EPB41L3: variants seen among roughly 807,000 people sequenced by gnomAD.
The protein encoded by EPB41L3 is erythrocyte membrane protein band 4.1 like 3.
In EPB41L3, 57 loss-of-function variants were observed where a neutral mutation model predicts 127.1. The ratio of observed to expected loss-of-function variants is 0.45; its 90% CI spans 0.36 to 0.56. The LOEUF is 0.56. EPB41L3 is among the 20% of genes least tolerant of loss of function. The probability of loss-of-function intolerance (pLI) is 0.00; values close to 1 mark genes in which losing one functional copy is unlikely to be tolerated. For missense variants in EPB41L3, 1,273 were observed against 1,372.2 expected (o/e 0.93, Z 1.14); for synonymous variants, 572 against 549.5 (o/e 1.04, Z -0.57).
At chr18:5,405,517 T>G (rs2143766482) in intron 16 of EPB41L3, among the ~76,000 whole-genome samples, 1 of 152,004 alleles carries the variant, frequency 6.6e-6, no homozygotes, top group Middle Eastern at 3.4e-3. Context: ...ATCCTCAGAG[T>G]CTTTGGTTGT....
In EPB41L3 at chr18:5,410,725, T is replaced by G; in HGVS notation, c.2068-106A>C. 3 of 817,678 alleles carry G rather than the reference T, an allele frequency of 3.7e-6. No homozygotes were observed. In the South Asian group the frequency reaches 4.9e-5, roughly 13 times the overall value. The allele number at this position is 817,678 out of a possible 1,614,324, so 50.7% of individuals were successfully genotyped here. A position where few individuals can be genotyped will look rare whatever the true frequency, so the allele number is the denominator to read the frequency against. The stretch of plus-strand genomic sequence containing the variant: ...CAGGTCAGACAGGTCATTTTCTTTC[T>G]CTGTGATTTCTCTGTGTCACACTAC... On this transcript the variant is annotated intron_variant, in intron 13 of 22. Coordinates refer to ENST00000341928, the MANE Select transcript of EPB41L3 (RefSeq NM_012307.5).
At position 5,478,270 on chromosome 18, in the gene EPB41L3, C is replaced by A. The variant is rs1469911854; in HGVS notation, c.352G>T (p.Asp118Tyr). The part of the protein sequence containing the change: ...KSMQCKVILL[D>Y]GSEYTCDVEK... ...ACATCACAGGTATATTCTGATCCAT[C>A]GAGAAGTATCACTTTGCACTGCATG... The change falls in exon 3 of 23, where the codon GAT becomes TAT. Residue 118 changes from aspartate to tyrosine, a missense_variant. Physicochemically the swap from Asp to Tyr is radical, Grantham distance 160 (BLOSUM62 -3). Transcript: ENST00000341928. 6.2e-7 allele frequency: 1 copy of A among 1,613,996 alleles called. No homozygotes were observed. The highest frequency in any genetic ancestry group is 2.2e-5 in the East Asian group (1 of 44,892).
intron 8 of EPB41L3, among the ~76,000 whole-genome samples, chr18:5,428,725 G>A (rs1418170634): frequency 1.3e-5 from 2 of 152,112 alleles, no homozygotes; most frequent in Non-Finnish European, 2.9e-5. Context: ...CACCAAGAGG[G>A]CCCAGCTCAT....
At chr18:5,560,408 T>C (rs1370454311) in intron 3 of EPB41L3, among the ~76,000 whole-genome samples, 1 of 152,186 alleles carries the variant, frequency 6.6e-6, no homozygotes, top group African/African-American at 2.4e-5. Context: ...CAGAGATACA[T>C]AAAGTCTAAA....
chr18:5,436,478 G>A (rs916429533), intron 6 of EPB41L3, among the ~76,000 whole-genome samples: 2 of 139,170 alleles, frequency 1.4e-5, no homozygotes, highest in Non-Finnish European at 3.0e-5. Flanking sequence ...GCGCGATCTC[G>A]GCTCACTGCA....
intron 1 of EPB41L3, among the ~76,000 whole-genome samples, chr18:5,524,571 T>C (rs1272750388): frequency 6.6e-6 from 1 of 152,102 alleles, no homozygotes; most frequent in Non-Finnish European, 1.5e-5. Flanking sequence ...CTTTTGGCCA[T>C]TTCCATTGGT....
At chr18:5,561,268 C>T (rs551649971) in intron 3 of EPB41L3, among the ~76,000 whole-genome samples, 2 of 152,248 alleles carry the variant, frequency 1.3e-5, no homozygotes, top group African/African-American at 4.8e-5. Context: ...TGAGCCACCG[C>T]GCCTGGCCAG....
At chr18:5,415,606 C>T (rs996823595) in intron 13 of EPB41L3, among the ~76,000 whole-genome samples, 28 of 152,138 alleles carry the variant, frequency 1.8e-4, no homozygotes, top group Admixed American at 3.9e-4. Context: ...AGAACGATTC[C>T]GGGTTGGGCT....
At chr18:5,574,209 A>C (rs889793498) in intron 3 of EPB41L3, among the ~76,000 whole-genome samples, 1 of 152,030 alleles carries the variant, frequency 6.6e-6, no homozygotes, top group African/African-American at 2.4e-5. Flanking sequence ...CACTAGATGT[A>C]CCATGGATAT....
intron 3 of EPB41L3, among the ~76,000 whole-genome samples, chr18:5,584,067 G>A (rs1438005426): frequency 6.6e-6 from 1 of 152,212 alleles, no homozygotes; most frequent in Non-Finnish European, 1.5e-5. Flanking sequence ...CTCCCAAAGT[G>A]CTAGGATTAC....
chr18:5,544,403 G>T, upstream of EPB41L3: 1 of 810,002 alleles, frequency 1.2e-6, no homozygotes, highest in Non-Finnish European at 1.5e-6. Flanking sequence ...GCTAGGGACT[G>T]CAGTATTTTT....
chr18:5,549,189 C>CTTTG (rs1020973076), upstream of EPB41L3, among the ~76,000 whole-genome samples: 3 of 152,142 alleles, frequency 2.0e-5, no homozygotes, highest in African/African-American at 7.2e-5. Flanking sequence ...AAAGCATTAG[C>CTTTG]TTTGTTTCTT....
intron 3 of EPB41L3, among the ~76,000 whole-genome samples, chr18:5,593,920 G>A (rs10164101): frequency 0.012 from 1,792 of 152,284 alleles, 24 homozygotes; most frequent in African/African-American, 0.035. Context: ...GATCTCTCTT[G>A]TTCCCTGAAT....
chr18:5,523,695 G>A (rs1297588095), intron 1 of EPB41L3, among the ~76,000 whole-genome samples: 4 of 152,034 alleles, frequency 2.6e-5, no homozygotes, highest in Admixed American at 6.6e-5. Context: ...TGAGGCAGGA[G>A]AATCACTTGA....
intron 3 of EPB41L3, among the ~76,000 whole-genome samples, chr18:5,607,132 C>T (rs1465680276): frequency 6.6e-6 from 1 of 152,180 alleles, no homozygotes; most frequent in Non-Finnish European, 1.5e-5. Context: ...TTGTTGAATA[C>T]TACCGTGGAG....
intron 3 of EPB41L3, among the ~76,000 whole-genome samples, chr18:5,475,674 G>T (rs1232532408): frequency 6.6e-6 from 1 of 152,132 alleles, no homozygotes; most frequent in Non-Finnish European, 1.5e-5. Context: ...TTTCCATTTT[G>T]TACTTGATCC....
At chr18:5,420,015 G>GA (rs3833866) in intron 11 of EPB41L3, 138 bp from the exon 12 acceptor site, 218,428 of 1,450,604 alleles carry the variant, frequency 0.15, 9,359 homozygotes, top group Non-Finnish European at 0.16. Context: ...TATCTTTACT[G>GA]AAAAAAAAAA....
intron 20 of EPB41L3, among the ~76,000 whole-genome samples, 158 bp from the exon 21 acceptor site, chr18:5,395,305 G>T (rs566876033): frequency 6.6e-6 from 1 of 152,216 alleles, no homozygotes; most frequent in Non-Finnish European, 1.5e-5. Flanking sequence ...TTCCAGAGGT[G>T]AGGACGGAAT....
chr18:5,456,593 A>T (rs184945553), intron 3 of EPB41L3, among the ~76,000 whole-genome samples: 1 of 152,166 alleles, frequency 6.6e-6, no homozygotes, highest in Non-Finnish European at 1.5e-5. Flanking sequence ...GGAAGAAAAA[A>T]CCTTCTCAAT....
Sources: allele counts gnomAD v4.1 joint callset (sites outside exome capture counted in the v4.1 genomes callset), GRCh38; gene constraint gnomAD v4.1.1; transcripts MANE v1.5; gene names NCBI Gene and HGNC (gene_info 2026-07-23, HGNC 2026-07-21).